Variants in DSCAML1 observed in about 807,000 individuals in gnomAD.
DSCAML1 encodes cell adhesion molecule DSCAML1.
A neutral mutation model predicts 200.5 loss-of-function variants in DSCAML1; 38 were observed. The observed-to-expected ratio is 0.19, with a 90% CI of 0.15 to 0.25. The LOEUF is 0.25. Ranked by LOEUF, DSCAML1 falls within the 10% of genes least tolerant of loss-of-function variation. DSCAML1 has a pLI of 1.00. For synonymous variants in DSCAML1, 1,215 were observed against 1,165.0 expected, an observed-to-expected ratio of 1.04 and a Z score of -0.87; for missense variants, 2,223 against 2,858.8, an observed-to-expected ratio of 0.78 and a Z score of 5.07.
intron 24 of DSCAML1, among the ~76,000 whole-genome samples, chr11:117,438,681 C>T (rs2047974620): frequency 6.6e-6 from 1 of 152,224 alleles, no homozygotes; most frequent in South Asian, 2.1e-4. Context: ...TCACAAGTGG[C>T]ATTGGAGGGG....
At chr11:117,731,791 T>C (rs2054225023) in intron 3 of DSCAML1, among the ~76,000 whole-genome samples, 1 of 152,244 alleles carries the variant, frequency 6.6e-6, no homozygotes, top group South Asian at 2.1e-4. Context: ...TCTAGCATTG[T>C]CTGGCACATA....
chr11:117,701,631 C>T (rs1258160632), intron 3 of DSCAML1, among the ~76,000 whole-genome samples: 2 of 152,162 alleles, frequency 1.3e-5, no homozygotes, highest in African/African-American at 4.8e-5. Context: ...GCCTGTGTTT[C>T]CATCCCATTC....
At chr11:117,595,356 C>T (rs2051343823) in intron 3 of DSCAML1, among the ~76,000 whole-genome samples, 1 of 152,124 alleles carries the variant, frequency 6.6e-6, no homozygotes, top group Non-Finnish European at 1.5e-5. Flanking sequence ...ATAAAAATGA[C>T]CTGCAACCCC....
Position 117,780,232 on chromosome 11 carries a change from G to GAAAGAAAAAGAAAGAAAGAAA in DSCAML1, c.364+260_364+261insTTTCTTTCTTTCTTTTTCTTT, listed in dbSNP as rs1565280646. Among the ~76,000 whole-genome samples the GAAAGAAAAAGAAAGAAAGAAA allele has an allele frequency of 3.4e-5, 1 of 29,572 alleles. No individual in the cohort carries two copies. The highest frequency in any genetic ancestry group is 1.6e-4 in the African/African-American group (1 of 6,252). 19.4% of individuals were successfully genotyped at this position (29,572 alleles called of 152,430 possible). On this transcript the variant is annotated intron_variant, in intron 2 of 32. Coordinates refer to ENST00000651296, the MANE Select transcript of DSCAML1 (RefSeq NM_020693.4). The surrounding 1 kb of genome is among the most constrained non-coding windows in gnomAD (Gnocchi z 4.8). ...AAGAGAGAGAGAGAAAGAAAGAAAG[G>GAAAGAAAAAGAAAGAAAGAAA]AAAGAAAGAAAGAAAGAAAGAAAGA... is the stretch of plus-strand genomic sequence containing the variant.
intron 3 of DSCAML1, among the ~76,000 whole-genome samples, chr11:117,721,150 A>T (rs1335839302): frequency 6.6e-6 from 1 of 152,240 alleles, no homozygotes; most frequent in East Asian, 1.9e-4. Context: ...TCATAATCAC[A>T]ATAACAGCTA....
chr11:117,653,675 A>C (rs1591366050), intron 3 of DSCAML1, among the ~76,000 whole-genome samples: 1 of 152,148 alleles, frequency 6.6e-6, no homozygotes, highest in African/African-American at 2.4e-5. Flanking sequence ...ACGTGGAATC[A>C]CCATACGACC....
At chr11:117,693,864 G>A (rs931210093) in intron 3 of DSCAML1, among the ~76,000 whole-genome samples, 4 of 151,968 alleles carry the variant, frequency 2.6e-5, no homozygotes, top group African/African-American at 7.3e-5. Context: ...TTTGTTAAAA[G>A]CGTCATTCAA....
chr11:117,780,676 G>A lies in DSCAML1; in HGVS notation c.181C>T (p.Leu61=). The A allele has an allele frequency of 1.3e-6, 2 of 1,594,198 alleles. No individual in the cohort carries two copies. The highest frequency in any genetic ancestry group is 1.7e-6 in the Non-Finnish European group (2 of 1,169,148). ...GSPSAALRWY[L]ATGDDIYDVP... ...TCGTAGATGTCGTCCCCTGTGGCCA[G>A]GTACCATCGAAGGGCCGCGCTGGGG... The change falls in exon 2 of 33, where the codon CTG becomes TTG. Residue 61 remains leucine (L), a synonymous_variant. Coordinates refer to ENST00000651296, the MANE Select transcript of DSCAML1 (RefSeq NM_020693.4). The surrounding 1 kb of genome is among the most constrained non-coding windows in gnomAD (Gnocchi z 4.8).
At position 117,428,478 on chromosome 11, in the gene DSCAML1, C is replaced by T. The variant is rs752617299; in HGVS notation, c.6012G>A (p.Pro2004=). The change falls in exon 33 of 33, where the codon CCG becomes CCA. Residue 2004 remains proline (P), a synonymous_variant. Coordinates refer to ENST00000651296, the MANE Select transcript of DSCAML1 (RefSeq NM_020693.4). The part of the protein sequence containing the change: ...EPPTAPSAAP[P]APSTEPPRAG... ...CTCGTGGAGGCTCGGTGCTGGGGGCCGGAGGGGCAGCGCTGGGGGCGGTGG... is the reference window on the plus strand; with the variant it reads ...CTCGTGGAGGCTCGGTGCTGGGGGCTGGAGGGGCAGCGCTGGGGGCGGTGG... 5.4e-5 allele frequency: 77 copies of T among 1,437,276 alleles called. No homozygotes were observed. The highest frequency in any genetic ancestry group is 4.2e-4 in the Middle Eastern group (2 of 4,770). The allele number at this position is 1,437,276 out of a possible 1,614,324, so 89.0% of individuals were successfully genotyped here.
At chr11:117,789,430 G>A (rs2055419112) in intron 1 of DSCAML1, among the ~76,000 whole-genome samples, 2 of 152,170 alleles carry the variant, frequency 1.3e-5, no homozygotes, top group South Asian at 4.1e-4. Flanking sequence ...GGACTTAAGA[G>A]ATTATTTTTT....
chr11:117,448,884 G>A (rs1025033253), intron 20 of DSCAML1, among the ~76,000 whole-genome samples: 1 of 152,072 alleles, frequency 6.6e-6, no homozygotes, highest in African/African-American at 2.4e-5. Flanking sequence ...ATGCCCATGA[G>A]CACCCAGAGA....
intron 3 of DSCAML1, among the ~76,000 whole-genome samples, chr11:117,766,803 C>T (rs555104064): frequency 2.0e-5 from 3 of 152,144 alleles, no homozygotes; most frequent in Non-Finnish European, 4.4e-5. Flanking sequence ...GACATTTCTG[C>T]TTGACTGAGG....
chr11:117,522,053 A>G (rs1156304127), intron 5 of DSCAML1, among the ~76,000 whole-genome samples: 1 of 152,236 alleles, frequency 6.6e-6, no homozygotes. Context: ...GTAGGGGTTC[A>G]AAGGGGTTCC....
intron 3 of DSCAML1, among the ~76,000 whole-genome samples, chr11:117,659,181 G>A (rs1218871210): frequency 2.6e-5 from 4 of 152,206 alleles, no homozygotes; most frequent in Non-Finnish European, 5.9e-5. Flanking sequence ...TTTGGAAGAC[G>A]GTGTTTCTTT....
chr11:117,479,737 C>T (rs2048870370), intron 14 of DSCAML1, among the ~76,000 whole-genome samples: 1 of 152,200 alleles, frequency 6.6e-6, no homozygotes. Flanking sequence ...CAACCTCCGC[C>T]TCATGGGTTC....
chr11:117,502,702 C>T (rs950097327), intron 11 of DSCAML1, among the ~76,000 whole-genome samples: 1 of 152,152 alleles, frequency 6.6e-6, no homozygotes. Context: ...CCACCTGCAC[C>T]CTGGAGGGAC....
intron 30 of DSCAML1, among the ~76,000 whole-genome samples, chr11:117,432,082 AAG>A (rs1480974905): frequency 6.6e-6 from 1 of 152,202 alleles, no homozygotes; most frequent in African/African-American, 2.4e-5. Context: ...TAGAGATAGA[AAG>A]ACCCTTGGAG....
chr11:117,802,357 T>C (rs1314525244), intron 1 of DSCAML1, among the ~76,000 whole-genome samples: 1 of 152,150 alleles, frequency 6.6e-6, no homozygotes, highest in Non-Finnish European at 1.5e-5. Flanking sequence ...ATTGTGGCTA[T>C]TTAGGCATGT....
intron 16 of DSCAML1, among the ~76,000 whole-genome samples, chr11:117,466,460 G>A (rs1287710339): frequency 6.6e-6 from 1 of 152,196 alleles, no homozygotes; most frequent in Non-Finnish European, 1.5e-5. Flanking sequence ...CAGCACTTTG[G>A]GAGGCTGAGG....
Sources: allele counts gnomAD v4.1 joint callset (sites outside exome capture counted in the v4.1 genomes callset), GRCh38; gene constraint gnomAD v4.1.1; non-coding constraint Gnocchi (gnomAD v3.1); transcripts MANE v1.5; gene names NCBI Gene and HGNC (gene_info 2026-07-23, HGNC 2026-07-21).